Variants in SMG7 observed in about 807,000 individuals in gnomAD.
The protein encoded by SMG7 is SMG7 nonsense mediated mRNA decay factor.
A neutral mutation model predicts 148.2 loss-of-function variants in SMG7; 34 were observed. The observed-to-expected ratio is 0.23, with a 90% CI of 0.17 to 0.31. The LOEUF (loss-of-function observed/expected upper bound fraction) is 0.31. Among genes scored for constraint, SMG7 ranks in the 10% least tolerant of loss-of-function variants. SMG7 has a pLI of 1.00. For missense variants in SMG7, 1,114 were observed against 1,408.4 expected, an observed-to-expected ratio of 0.79 and a Z score of 3.35; for synonymous variants, 492 against 515.1, an observed-to-expected ratio of 0.96 and a Z score of 0.61.
intron 4 of SMG7, among the ~76,000 whole-genome samples, chr1:183,526,067 A>G (rs901157244): frequency 2.0e-5 from 3 of 151,646 alleles, no homozygotes; most frequent in Non-Finnish European, 4.4e-5. Flanking sequence ...AGATTGCTGT[A>G]ATACTTGAGA....
At chr1:183,521,808 G>A (rs1261395761) in intron 4 of SMG7, among the ~76,000 whole-genome samples, 2 of 150,202 alleles carry the variant, frequency 1.3e-5, no homozygotes, top group African/African-American at 4.9e-5. Context: ...TGAGGTTGCA[G>A]TGAGCCATAT....
intron 1 of SMG7, among the ~76,000 whole-genome samples, chr1:183,510,184 G>T (rs143994005): frequency 2.0e-5 from 3 of 151,868 alleles, no homozygotes; most frequent in African/African-American, 7.3e-5. Flanking sequence ...TTGTAACTTC[G>T]CAACTCAAGG....
intron 4 of SMG7, among the ~76,000 whole-genome samples, chr1:183,526,152 A>T (rs965486236): frequency 5.4e-5 from 1 of 18,380 alleles, no homozygotes; most frequent in Admixed American, 5.2e-4. Context: ...ATATATATAT[A>T]TATATTTTTT....
Position 183,553,330 on chromosome 1 carries a change from CTAAT to C in SMG7, c.*1401_*1404del, listed in dbSNP as rs1671351032. ...TTTAAGGGGAAATTATGGAAACAATCTAATTGTTCAATTGCTGTGCTAGTGGTAG... is the reference window on the plus strand; with the variant it reads ...TTTAAGGGGAAATTATGGAAACAATCTGTTCAATTGCTGTGCTAGTGGTAG... On this transcript the variant is annotated 3_prime_UTR_variant, in exon 23 of 23. Coordinates refer to ENST00000688051, the MANE Select transcript of SMG7 (RefSeq NM_001375584.1). The C allele has an allele frequency of 1.0e-6, 1 of 1,002,492 alleles. No individual in the cohort carries two copies. Among genetic ancestry groups the C allele is most frequent in the Non-Finnish European group, 1.4e-6 (1 of 702,146 alleles). The allele number at this position is 1,002,492 out of a possible 1,614,324, so 62.1% of individuals were successfully genotyped here.
intron 2 of SMG7, among the ~76,000 whole-genome samples, chr1:183,514,828 T>C (rs953866492): frequency 6.6e-6 from 1 of 152,234 alleles, no homozygotes; most frequent in African/African-American, 2.4e-5. Flanking sequence ...TAGTAAACTC[T>C]ATTCTTAACT....
At chr1:183,506,863 A>T (rs1240180903) in intron 1 of SMG7, among the ~76,000 whole-genome samples, 1 of 148,702 alleles carries the variant, frequency 6.7e-6, no homozygotes, top group Non-Finnish European at 1.5e-5. Flanking sequence ...CATGAATCTT[A>T]GACTATATAT....
At chr1:183,532,942 A>G (rs1428544832) in intron 8 of SMG7, among the ~76,000 whole-genome samples, 2 of 152,234 alleles carry the variant, frequency 1.3e-5, no homozygotes, top group Non-Finnish European at 2.9e-5. Flanking sequence ...AAACAATTCA[A>G]ACAACTCTGT....
chr1:183,542,759 A>G (rs951370931), intron 14 of SMG7, among the ~76,000 whole-genome samples: 3 of 152,192 alleles, frequency 2.0e-5, no homozygotes, highest in Non-Finnish European at 4.4e-5. Context: ...TGAAAGGATT[A>G]GTTGCAGAGT....
chr1:183,494,588 CTT>C (rs1029201682), intron 1 of SMG7, among the ~76,000 whole-genome samples: 6 of 148,018 alleles, frequency 4.1e-5, no homozygotes, highest in Non-Finnish European at 8.9e-5. Flanking sequence ...TTCCTCAGCT[CTT>C]ATGTTTCTAA....
At chr1:183,530,490 G>A (rs1442072229) in intron 8 of SMG7, among the ~76,000 whole-genome samples, 2 of 152,140 alleles carry the variant, frequency 1.3e-5, no homozygotes, top group Non-Finnish European at 2.9e-5. Context: ...TGTGACATAT[G>A]ATGTATAAGG....
intron 3 of SMG7, 188 bp downstream of exon 3, chr1:183,516,179 G>A: frequency 1.9e-6 from 1 of 517,822 alleles, no homozygotes; most frequent in East Asian, 3.3e-5. Context: ...GAGGAGGTAA[G>A]AAGAGAAATG....
intron 1 of SMG7, among the ~76,000 whole-genome samples, chr1:183,479,399 A>G (rs1653501338): frequency 1.3e-5 from 2 of 152,270 alleles, no homozygotes; most frequent in South Asian, 4.1e-4. Context: ...TGACAATAAA[A>G]AATGTCCACA....
chr1:183,516,144 G>T (rs554387469), intron 3 of SMG7, 153 bp downstream of exon 3: 7 of 601,630 alleles, frequency 1.2e-5, no homozygotes, highest in African/African-American at 1.1e-4. Context: ...TTTGGCCATT[G>T]GTATTATTTC....
At chr1:183,484,954 A>G (rs1046712646) in intron 1 of SMG7, among the ~76,000 whole-genome samples, 7 of 152,112 alleles carry the variant, frequency 4.6e-5, no homozygotes, top group Non-Finnish European at 8.8e-5. Context: ...TGAGGCTTGT[A>G]TAGACTAGCA....
Position 183,529,446 on chromosome 1 carries a change from C to G in SMG7, c.756C>G (p.Ala252=). 1 of 1,613,314 alleles carries G rather than the reference C, an allele frequency of 6.2e-7. No homozygotes were observed. The highest frequency in any genetic ancestry group is 2.2e-5 in the East Asian group (1 of 44,834). ...TKWGVSDFIK[A]FIKFHGHVYL... ...GGGGTGTTTCTGACTTCATCAAGGC[C>G]TTTATTAAATTCCACGGTCATGTGT... Residue 252 remains alanine (A), a synonymous_variant, in exon 8 of 23, where the codon GCC becomes GCG. Transcript: ENST00000688051.
rs199656128 is a variant in SMG7 at position 183,528,030 on chromosome 1, G to A, written c.556+3G>A. The A allele has an allele frequency of 6.2e-7, 1 of 1,608,222 alleles. No individual in the cohort carries two copies. Among genetic ancestry groups the A allele is most frequent in the African/African-American group, 1.3e-5 (1 of 74,852 alleles). ...AGCTCAGCTTGTCCCCTCCAATGGT[G>A]AGTGGACCTGTCAACCTGAGATTGA... On this transcript the variant is annotated splice_donor_region_variant and intron_variant, in intron 6 of 22. Coordinates refer to ENST00000688051, the MANE Select transcript of SMG7 (RefSeq NM_001375584.1).
At position 183,551,205 on chromosome 1, in the gene SMG7, G is replaced by C; in HGVS notation, c.3450+15G>C. On this transcript the variant is annotated intron_variant, in intron 22 of 22. Coordinates refer to ENST00000688051, the MANE Select transcript of SMG7 (RefSeq NM_001375584.1). ...AAAGCCTAAAGGTGAGTAGATTTCA[G>C]GAACAAGAACCACAAGATTATTACA... The C allele has an allele frequency of 6.4e-7, 1 of 1,553,288 alleles. No individual in the cohort carries two copies. Among genetic ancestry groups the C allele is most frequent in the Non-Finnish European group, 8.6e-7 (1 of 1,156,442 alleles).
At chr1:183,483,286 G>A (rs1571756375) in intron 1 of SMG7, among the ~76,000 whole-genome samples, 1 of 152,116 alleles carries the variant, frequency 6.6e-6, no homozygotes, top group Non-Finnish European at 1.5e-5. Flanking sequence ...TTGGGATACA[G>A]TATAATGGAT....
intron 10 of SMG7, 136 bp from the exon 11 acceptor site, chr1:183,537,009 T>C (rs1040028414): frequency 3.4e-6 from 2 of 596,260 alleles, no homozygotes; most frequent in Non-Finnish European, 6.0e-6. Flanking sequence ...TTTTAAAAAT[T>C]ATACAGCCTT....
Sources: allele counts gnomAD v4.1 joint callset (sites outside exome capture counted in the v4.1 genomes callset), GRCh38; gene constraint gnomAD v4.1.1; transcripts MANE v1.5; gene names NCBI Gene and HGNC (gene_info 2026-07-23, HGNC 2026-07-21).